The following SRSF12 variants were observed in gnomAD, a reference collection of about 807,000 sequenced individuals.
SRSF12 encodes serine and arginine rich splicing factor 12.
A neutral mutation model predicts 34.1 loss-of-function variants in SRSF12; 21 were observed. That is an observed-to-expected ratio of 0.62 (90% CI 0.44 to 0.89). The LOEUF (loss-of-function observed/expected upper bound fraction) is 0.89. SRSF12 is among the 40% of genes least tolerant of loss of function. The pLI, the probability that SRSF12 is intolerant of heterozygous loss-of-function variation, is 0.00. For missense variants in SRSF12, 278 were observed against 327.8 expected, an observed-to-expected ratio of 0.85 and a Z score of 1.17; for synonymous variants, 111 against 110.8, an observed-to-expected ratio of 1.00 and a Z score of -0.01.
rs1486198566 is a variant in SRSF12 at position 89,097,642 on chromosome 6, C to T, written c.*936G>A. On this transcript the variant is annotated 3_prime_UTR_variant, in exon 5 of 5. Transcript: ENST00000452027. ...GTGCTGGGATTACAGGAGTGAACCA[C>T]CACGCTTGGCCAAGTTTCTTAATAC... is the stretch of plus-strand genomic sequence containing the variant. 1 of 151,988 alleles carries T rather than the reference C, an allele frequency of 6.6e-6. No homozygotes were observed. Among genetic ancestry groups the T allele is most frequent in the Non-Finnish European group, 1.5e-5 (1 of 68,014 alleles). 9.4% of individuals were successfully genotyped at this position (151,988 alleles called of 1,614,324 possible).
In SRSF12 at chr6:89,117,837, G is replaced by A. The variant is rs1373204466; in HGVS notation, c.51C>T (p.Val17=). The A allele has an allele frequency of 5.1e-6, 8 of 1,558,556 alleles. No individual in the cohort carries two copies. Among genetic ancestry groups the A allele is most frequent in the African/African-American group, 2.8e-5 (2 of 70,294 alleles). The change falls in exon 1 of 5, where the codon GTC becomes GTT. Residue 17 remains valine (V), a synonymous_variant. Coordinates refer to ENST00000452027, the MANE Select transcript of SRSF12 (RefSeq NM_080743.5). The part of the protein sequence containing the change: ...PPNTSLFIRN[V]ADATRPEDLR... ...CGGCCGTTCACCTGGTGGCGTCCGC[G>A]ACGTTCCTGATGAACAGGGAGGTGT...
At chr6:89,108,961 T>G (rs1315915393) in intron 1 of SRSF12, among the ~76,000 whole-genome samples, 1 of 152,230 alleles carries the variant, frequency 6.6e-6, no homozygotes, top group Non-Finnish European at 1.5e-5. Context: ...TCATAGAACA[T>G]GTTTTACTAT....
intron 4 of SRSF12, among the ~76,000 whole-genome samples, chr6:89,104,734 A>C (rs1768706818): frequency 6.6e-6 from 1 of 152,098 alleles, no homozygotes; most frequent in African/African-American, 2.4e-5. Flanking sequence ...AAAATGACTA[A>C]GGTGGACTGT....
In SRSF12 at chr6:89,098,749, G is replaced by A; in HGVS notation, c.615C>T (p.Ser205=). The change falls in exon 5 of 5, where the codon AGC becomes AGT. Residue 205 remains serine (S), a synonymous_variant. Transcript: ENST00000452027. ...SQSSSPQKQT[S]SGTKSRSHGR... is the part of the protein sequence containing the mutation. Reference sequence around the variant, plus strand: ...CATGTGATCTTGATTTTGTTCCTGAGCTAGTCTGCTTTTGAGGTGAACTTG... The same window carrying A: ...CATGTGATCTTGATTTTGTTCCTGAACTAGTCTGCTTTTGAGGTGAACTTG... 1 of 1,613,910 alleles carries A rather than the reference G, an allele frequency of 6.2e-7. No individual in the cohort carries two copies.
In SRSF12 at chr6:89,104,117, C is replaced by T. The variant is rs1246318984; in HGVS notation, c.416+1002G>A. On this transcript the variant is annotated intron_variant, in intron 4 of 4. Transcript: ENST00000452027. Reference sequence around the variant, plus strand: ...CTCCCAAAGTGCTGAGATTATGGCACCTGGACATTTTATTGTATTTCTTAC... The same window carrying T: ...CTCCCAAAGTGCTGAGATTATGGCATCTGGACATTTTATTGTATTTCTTAC... Among the ~76,000 whole-genome samples, 7 of 147,744 alleles carry T rather than the reference C, an allele frequency of 4.7e-5. No homozygotes were observed. In the Admixed American group the frequency reaches 4.8e-4, roughly 10 times the overall value.
rs1223256058 is a variant in SRSF12 at position 89,096,115 on chromosome 6, T to C, written c.*2463A>G. On this transcript the variant is annotated 3_prime_UTR_variant, in exon 5 of 5. Coordinates refer to ENST00000452027, the MANE Select transcript of SRSF12 (RefSeq NM_080743.5). Reference sequence around the variant, plus strand: ...AACAATTTTCACCTAGTCACAAAAGTCATTTTCATCGAAGCCTACAGTCAT... The same window carrying C: ...AACAATTTTCACCTAGTCACAAAAGCCATTTTCATCGAAGCCTACAGTCAT... The C allele has an allele frequency of 2.0e-5, 3 of 152,164 alleles. No homozygotes were observed. The highest frequency in any genetic ancestry group is 2.9e-5 in the Non-Finnish European group (2 of 68,030). The allele number at this position is 152,164 out of a possible 1,614,324, so 9.4% of individuals were successfully genotyped here. A position where few individuals can be genotyped will look rare whatever the true frequency, so the allele number is the denominator to read the frequency against.
intron 1 of SRSF12, among the ~76,000 whole-genome samples, chr6:89,108,812 A>G (rs1768910735): frequency 6.6e-6 from 1 of 152,218 alleles, no homozygotes; most frequent in South Asian, 2.1e-4. Context: ...GTGTATTAAT[A>G]TAATTATTAG....
At chr6:89,108,872 T>G (rs1049487202) in intron 1 of SRSF12, among the ~76,000 whole-genome samples, 22 of 152,164 alleles carry the variant, frequency 1.4e-4, no homozygotes, top group African/African-American at 5.3e-4. Flanking sequence ...ACATATAAGA[T>G]TCAACAAAAA....
chr6:89,100,497 T>C (rs1768490624), intron 4 of SRSF12, among the ~76,000 whole-genome samples: 1 of 146,866 alleles, frequency 6.8e-6, no homozygotes, highest in South Asian at 2.2e-4. Flanking sequence ...CTCTATAATT[T>C]TTTGTCCATG....
chr6:89,111,945 C>T (rs950055325), intron 1 of SRSF12, among the ~76,000 whole-genome samples: 1 of 152,148 alleles, frequency 6.6e-6, no homozygotes, highest in African/African-American at 2.4e-5. Flanking sequence ...AGTACAAAAG[C>T]AAAGATATTA....
chr6:89,105,677 A>G, intron 2 of SRSF12, 147 bp from the exon 3 acceptor site: 1 of 529,130 alleles, frequency 1.9e-6, no homozygotes, highest in Admixed American at 3.7e-5. Flanking sequence ...TAATCAGAAA[A>G]AAAACTTTCA....
intron 1 of SRSF12, among the ~76,000 whole-genome samples, chr6:89,110,418 A>G (rs1448770815): frequency 6.6e-6 from 1 of 152,176 alleles, no homozygotes; most frequent in Non-Finnish European, 1.5e-5. Context: ...CCCTATGTAA[A>G]TGAAGACTTG....
intron 2 of SRSF12, chr6:89,106,914 C>A (rs1170445254): frequency 1.1e-5 from 6 of 539,938 alleles, no homozygotes; most frequent in Non-Finnish European, 2.1e-5. Context: ...CTCCTTGATG[C>A]TTGAACTTTA....
chr6:89,116,798 A>C (rs969078755), intron 1 of SRSF12, among the ~76,000 whole-genome samples: 5 of 151,952 alleles, frequency 3.3e-5, no homozygotes, highest in East Asian at 1.9e-4. Flanking sequence ...AAACTAAAAA[A>C]TAAAAAATAC....
chr6:89,107,003 G>A, intron 2 of SRSF12, 151 bp downstream of exon 2: 2 of 823,740 alleles, frequency 2.4e-6, no homozygotes, highest in Non-Finnish European at 4.0e-6. Context: ...GTGCTTGCCA[G>A]CTACTGTGGA....
intron 3 of SRSF12, 35 bp from the exon 4 acceptor site, chr6:89,105,295 C>A: frequency 1.3e-6 from 2 of 1,584,750 alleles, no homozygotes; most frequent in Non-Finnish European, 1.7e-6. Flanking sequence ...TGACATAATT[C>A]GTTACCTGAA....
chr6:89,099,439 T>C (rs553890996), intron 4 of SRSF12, among the ~76,000 whole-genome samples: 2,555 of 126,732 alleles, frequency 0.02, 141 homozygotes, highest in African/African-American at 0.077. Flanking sequence ...TGTATATATA[T>C]ACACATATAT....
intron 1 of SRSF12, among the ~76,000 whole-genome samples, chr6:89,109,941 A>G (rs1768966875): frequency 1.3e-5 from 2 of 152,118 alleles, no homozygotes; most frequent in Admixed American, 1.3e-4. Flanking sequence ...AATACAAAAA[A>G]TTAACTGGGC....
At chr6:89,113,276 C>A (rs913153476) in intron 1 of SRSF12, among the ~76,000 whole-genome samples, 3 of 152,092 alleles carry the variant, frequency 2.0e-5, no homozygotes, top group African/African-American at 7.2e-5. Context: ...CAGGTTCATG[C>A]GATTCTTCTG....
Sources: gnomAD v4.1 joint callset for allele counts (sites outside exome capture counted in the v4.1 genomes callset) on GRCh38, gnomAD v4.1.1 for gene constraint, MANE v1.5 for transcripts, NCBI Gene and HGNC (gene_info 2026-07-23, HGNC 2026-07-21) for gene names.